The following ARFGEF1 variants were observed in gnomAD, a reference collection of about 807,000 sequenced individuals.
The protein encoded by ARFGEF1 is ARF guanine nucleotide exchange factor 1.
A neutral mutation model predicts 231.0 loss-of-function variants in ARFGEF1; 42 were observed. The ratio of observed to expected loss-of-function variants is 0.18; its 90% CI spans 0.14 to 0.24. ARFGEF1 has a LOEUF of 0.24. Ranked by LOEUF, ARFGEF1 falls within the 10% of genes least tolerant of loss-of-function variation. The pLI is 1.00. For missense variants in ARFGEF1, 1,345 were observed against 2,192.0 expected (o/e 0.61, Z 7.72); for synonymous variants, 710 against 732.3 (o/e 0.97, Z 0.49).
intron 34 of ARFGEF1, among the ~76,000 whole-genome samples, chr8:67,205,139 A>G (rs1838466542): frequency 6.6e-6 from 1 of 152,190 alleles, no homozygotes; most frequent in African/African-American, 2.4e-5. Flanking sequence ...AAACATTATG[A>G]GATTTTTTTT....
At chr8:67,206,719 C>T (rs1340644628) in intron 34 of ARFGEF1, among the ~76,000 whole-genome samples, 4 of 152,204 alleles carry the variant, frequency 2.6e-5, no homozygotes, top group African/African-American at 9.7e-5. Context: ...GGACCCAGAC[C>T]ACACGGCCAC....
intron 1 of ARFGEF1, among the ~76,000 whole-genome samples, chr8:67,334,464 C>T (rs1014012463): frequency 6.6e-6 from 1 of 152,044 alleles, no homozygotes; most frequent in African/African-American, 2.4e-5. Flanking sequence ...TTTGAAGAAA[C>T]GGGAAGCCTC....
chr8:67,175,159 C>A, downstream of ARFGEF1: 1 of 679,518 alleles, frequency 1.5e-6, no homozygotes, highest in Non-Finnish European at 2.6e-6. Context: ...TGTCCTTTGA[C>A]TTTAGTGATG....
At chr8:67,257,007 T>C (rs527276776) in intron 17 of ARFGEF1, among the ~76,000 whole-genome samples, 8 of 152,220 alleles carry the variant, frequency 5.3e-5, no homozygotes, top group East Asian at 1.9e-4. Context: ...CGGCCATAAG[T>C]TGATAACTGT....
At chr8:67,176,344 AG>A (rs746424313) in intron 5 of ARFGEF1, among the ~76,000 whole-genome samples, 1 of 152,192 alleles carries the variant, frequency 6.6e-6, no homozygotes, top group Non-Finnish European at 1.5e-5. Context: ...GCAGAATCTG[AG>A]GAAGATTTTT....
rs1400434029 is a variant in ARFGEF1 at position 67,343,515 on chromosome 8, G to C, written c.-228C>G. On this transcript the variant is annotated 5_prime_UTR_variant, in exon 1 of 39. Transcript: ENST00000262215. ...CCGCCCCCAAGAAGCCGTACCTCGA[G>C]GGCCGCGCCCGTCGGGCCTCCGCTT... 1.7e-6 allele frequency: 2 copies of C among 1,203,964 alleles called. No homozygotes were observed. The highest frequency in any genetic ancestry group is 2.1e-6 in the Non-Finnish European group (2 of 967,072). 74.6% of individuals were successfully genotyped at this position (1,203,964 alleles called of 1,614,324 possible). A position where few individuals can be genotyped will look rare whatever the true frequency, so the allele number is the denominator to read the frequency against.
intron 17 of ARFGEF1, among the ~76,000 whole-genome samples, chr8:67,254,292 C>T (rs1334737151): frequency 6.6e-6 from 1 of 152,174 alleles, no homozygotes; most frequent in Non-Finnish European, 1.5e-5. Context: ...AAAATGTTTA[C>T]ACTTTACCTC....
chr8:67,177,512 T>C (rs1831982520), intron 5 of ARFGEF1, among the ~76,000 whole-genome samples: 1 of 152,254 alleles, frequency 6.6e-6, no homozygotes, highest in African/African-American at 2.4e-5. Flanking sequence ...CTAGAATGGA[T>C]GCAGGGCTAT....
Position 67,240,306 on chromosome 8 carries a change from A to T in ARFGEF1, c.2851-16T>A. The T allele has an allele frequency of 6.3e-7, 1 of 1,581,806 alleles. No individual in the cohort carries two copies. The highest frequency in any genetic ancestry group is 8.6e-7 in the Non-Finnish European group (1 of 1,168,846). On this transcript the variant is annotated splice_polypyrimidine_tract_variant and intron_variant, in intron 19 of 38. Coordinates refer to ENST00000262215, the MANE Select transcript of ARFGEF1 (RefSeq NM_006421.5). ...TCCAAGCCAACTACAAAAATTAAAAATTGTATTTTAATTAAAGATTATGAT... is the reference window on the plus strand; with the variant it reads ...TCCAAGCCAACTACAAAAATTAAAATTTGTATTTTAATTAAAGATTATGAT...
In ARFGEF1 at chr8:67,182,183, T is replaced by C. The variant is rs150406429; in HGVS notation, c.561-6611A>G. Reference sequence around the variant, plus strand: ...ATGCCTGAATAATTTTTGTATTTTTTGTAGAGACAGGGTTTCACCATGCTG... The same window carrying C: ...ATGCCTGAATAATTTTTGTATTTTTCGTAGAGACAGGGTTTCACCATGCTG... On this transcript the variant is annotated intron_variant, in intron 5 of 5. Transcript: ENST00000518789. 7.9e-5 allele frequency among the ~76,000 whole-genome samples: 12 copies of C among 152,154 alleles called. No individual in the cohort carries two copies. The East Asian group carries it at 1.7e-3, about 22-fold the overall frequency.
At chr8:67,305,585 G>C (rs978323800) in intron 1 of ARFGEF1, among the ~76,000 whole-genome samples, 16 of 152,112 alleles carry the variant, frequency 1.1e-4, no homozygotes, top group African/African-American at 3.6e-4. Flanking sequence ...GACCTTAGGT[G>C]ATCAGCCCGC....
intron 5 of ARFGEF1, among the ~76,000 whole-genome samples, chr8:67,181,338 A>AT (rs58029238): frequency 0.018 from 2,078 of 112,588 alleles, 41 homozygotes; most frequent in African/African-American, 0.044. Flanking sequence ...GTACCTGGCC[A>AT]TTTTTTTTTT....
intron 27 of ARFGEF1, among the ~76,000 whole-genome samples, chr8:67,226,740 G>A (rs969772441): frequency 6.6e-6 from 1 of 152,024 alleles, no homozygotes; most frequent in Non-Finnish European, 1.5e-5. Flanking sequence ...AGAAGGCTGT[G>A]CAATGTACTT....
intron 29 of ARFGEF1, 138 bp from the exon 30 acceptor site, chr8:67,219,698 A>T: frequency 1.1e-6 from 1 of 873,400 alleles, no homozygotes; most frequent in Non-Finnish European, 1.6e-6. Flanking sequence ...ACTGGGTTTT[A>T]AAAAATTTAA....
chr8:67,281,559 T>C (rs1349937371), intron 7 of ARFGEF1, among the ~76,000 whole-genome samples: 1 of 152,084 alleles, frequency 6.6e-6, no homozygotes, highest in Non-Finnish European at 1.5e-5. Flanking sequence ...CTTGCCATCA[T>C]TAACACTATT....
rs1314380897 is a variant in ARFGEF1, at chr8:67,198,914, AC to A, written c.*19del. ...AAAGAGCAGAGGGATGTAAATGCCA[AC>A]AAAAATATTAAGTTCCCATCATTGC... On this transcript the variant is annotated 3_prime_UTR_variant, in exon 39 of 39. Coordinates refer to ENST00000262215, the MANE Select transcript of ARFGEF1 (RefSeq NM_006421.5). The A allele has an allele frequency of 1.9e-6, 3 of 1,610,126 alleles. No homozygotes were observed. In the African/African-American group the frequency reaches 4.0e-5, roughly 22 times the overall value.
At chr8:67,300,808 C>T (rs1205477659) in intron 3 of ARFGEF1, among the ~76,000 whole-genome samples, 3 of 151,378 alleles carry the variant, frequency 2.0e-5, no homozygotes, top group Admixed American at 6.6e-5. Flanking sequence ...TACGCCACTG[C>T]ACTCCAGCCC....
chr8:67,188,630 G>A (rs1015279862), intron 5 of ARFGEF1, among the ~76,000 whole-genome samples: 1 of 151,990 alleles, frequency 6.6e-6, no homozygotes, highest in Non-Finnish European at 1.5e-5. Context: ...TGTTTGTTAC[G>A]GCTCGAGCTG....
chr8:67,207,420 C>A (rs1838561388), intron 34 of ARFGEF1, among the ~76,000 whole-genome samples: 1 of 152,188 alleles, frequency 6.6e-6, no homozygotes, highest in African/African-American at 2.4e-5. Flanking sequence ...CAAGCCTCTT[C>A]ATAGTTTCTC....
Sources: allele counts gnomAD v4.1 joint callset (sites outside exome capture counted in the v4.1 genomes callset), GRCh38; gene constraint gnomAD v4.1.1; transcripts MANE v1.5; gene names NCBI Gene and HGNC (gene_info 2026-07-23, HGNC 2026-07-21).